ITIH3: variants seen among roughly 807,000 people sequenced by gnomAD.
The protein encoded by ITIH3 is inter-alpha-trypsin inhibitor heavy chain 3.
A neutral mutation model predicts 96.5 loss-of-function variants in ITIH3; 81 were observed. That is an observed-to-expected ratio of 0.84 (90% CI 0.70 to 1.01). ITIH3 has a LOEUF of 1.01. ITIH3 is among the 50% of genes least tolerant of loss of function. The pLI, the probability that ITIH3 is intolerant of heterozygous loss-of-function variation, is 0.00. For missense variants in ITIH3, 1,057 were observed against 1,139.3 expected (o/e 0.93, Z 1.04); for synonymous variants, 422 against 445.2 (o/e 0.95, Z 0.66).
chr3:52,800,604 G>C lies in ITIH3; in HGVS notation c.1142G>C (p.Arg381Thr). The C allele has an allele frequency of 6.3e-7, 1 of 1,579,608 alleles. No individual in the cohort carries two copies. Among genetic ancestry groups the C allele is most frequent in the Non-Finnish European group, 8.6e-7 (1 of 1,162,532 alleles). The change falls in exon 10 of 22, where the codon AGA (arginine) becomes ACA (threonine). Residue 381 changes from arginine (R) to threonine (T), a missense_variant. Transcript: ENST00000449956. The part of the protein sequence containing the change: ...SMLNKAREEH[R>T]IPERSTSIVI... ...CTGAACAAGGCCCGAGAGGAGCACA[G>C]AATCCCAGAGAGGAGCACCTCCATT...
rs1208994387 is a variant in ITIH3 at position 52,796,619 on chromosome 3, A to G, written c.253A>G (p.Lys85Glu). 1 of 1,613,084 alleles carries G rather than the reference A, an allele frequency of 6.2e-7. No homozygotes were observed. Among genetic ancestry groups the G allele is most frequent in the Admixed American group, 1.7e-5 (1 of 59,890 alleles). ...KEVSFDVELP[K>E]TAFITNFTLT... ...GGTTTCCTTTGATGTGGAGCTGCCC[A>G]AGACGGCCTTCATCACCAACTTCAC... is the stretch of plus-strand genomic sequence containing the variant. Residue 85 changes from lysine to glutamate, a missense_variant, in exon 3 of 22, where the codon AAG becomes GAG. Physicochemically the swap from Lys to Glu is moderately conservative, Grantham distance 56. Transcript: ENST00000449956.
At position 52,807,105 on chromosome 3, in the gene ITIH3, G is replaced by A. The variant is rs1367268721; in HGVS notation, c.2261G>A (p.Gly754Glu). 9 of 1,585,460 alleles carry A rather than the reference G, an allele frequency of 5.7e-6. No homozygotes were observed. The highest frequency in any genetic ancestry group is 6.9e-6 in the Non-Finnish European group (8 of 1,166,212). ...WLDTVTVTQD[G>E]LSMMINRKNM... ...GACACAGTCACAGTCACGCAGGATG[G>A]GTAAGCTCCCCTACAAGGTCTCCAA... Residue 754 changes from glycine to glutamate, a missense_variant and splice_region_variant, in exon 19 of 22, where the codon GGG becomes GAG. Transcript: ENST00000449956.
chr3:52,806,786 G>A, intron 18 of ITIH3, 115 bp from the exon 19 acceptor site: 1 of 805,252 alleles, frequency 1.2e-6, no homozygotes, highest in South Asian at 1.6e-5. Flanking sequence ...CTCTCTTGTG[G>A]CCCCCGCTCT....
At chr3:52,807,958 A>C in intron 20 of ITIH3, 42 bp downstream of exon 20, 1 of 1,599,150 alleles carries the variant, frequency 6.3e-7, no homozygotes, top group Non-Finnish European at 8.5e-7. Flanking sequence ...GCCTGAGAGC[A>C]GCATGGGAAA....
chr3:52,796,706 G>A (rs1438643773), intron 3 of ITIH3, 33 bp from the exon 4 acceptor site: 2 of 1,605,430 alleles, frequency 1.2e-6, no homozygotes, highest in African/African-American at 1.3e-5. Context: ...GGCCCAGTGT[G>A]ATCTCCCTAC....
At chr3:52,795,841 CCCCT>C (rs1199470013) in intron 2 of ITIH3, 3 of 546,288 alleles carry the variant, frequency 5.5e-6, no homozygotes, top group Non-Finnish European at 9.7e-6. Flanking sequence ...CCCAAGAGGG[CCCCT>C]CACAGGCATC....
intron 15 of ITIH3, chr3:52,805,584 C>A: frequency 7.3e-7 from 1 of 1,365,962 alleles, no homozygotes; most frequent in South Asian, 1.9e-5. Context: ...ATCAAAAAGC[C>A]CTGCGCCAAC....
rs1699785994 is a variant in ITIH3, at chr3:52,800,521, G to A, written c.1076-17G>A. The A allele has an allele frequency of 1.3e-6, 2 of 1,523,228 alleles. No individual in the cohort carries two copies. Among genetic ancestry groups the A allele is most frequent in the African/African-American group, 2.1e-5 (1 of 47,740 alleles). 94.4% of individuals were successfully genotyped at this position (1,523,228 alleles called of 1,614,324 possible). A position where few individuals can be genotyped will look rare whatever the true frequency, so the allele number is the denominator to read the frequency against. On this transcript the variant is annotated splice_polypyrimidine_tract_variant and intron_variant, in intron 9 of 21. Transcript: ENST00000449956. ...CCTGAGGACACCCTCCCACGGTGCT[G>A]TCTGTCTGTGTCCCAGTGACCAACA...
chr3:52,795,690 C>G, intron 2 of ITIH3, 67 bp downstream of exon 2: 1 of 1,496,312 alleles, frequency 6.7e-7, no homozygotes. Context: ...TCCCCAACTG[C>G]TGAAGGTGTA....
rs1700043694 is a variant in ITIH3 at position 52,806,284 on chromosome 3, T to G, written c.1943-9T>G. 1 of 1,612,422 alleles carries G rather than the reference T, an allele frequency of 6.2e-7. No individual in the cohort carries two copies. The highest frequency in any genetic ancestry group is 8.5e-7 in the Non-Finnish European group (1 of 1,178,756). ...CCGGGAGTCAGCTCCTTCTCTAATG[T>G]GTCACCAGTGGACGGGGATCCCCAC... On this transcript the variant is annotated splice_polypyrimidine_tract_variant and intron_variant, in intron 17 of 21. Coordinates refer to ENST00000449956, the MANE Select transcript of ITIH3 (RefSeq NM_002217.4).
chr3:52,795,329 G>A (rs911151695), intron 1 of ITIH3, among the ~76,000 whole-genome samples: 1 of 152,196 alleles, frequency 6.6e-6, no homozygotes, highest in Non-Finnish European at 1.5e-5. Context: ...GGCATGTAGG[G>A]TGTGAAGAGA....
intron 2 of ITIH3, 72 bp from the exon 3 acceptor site, chr3:52,796,409 G>A: frequency 2.9e-6 from 4 of 1,387,278 alleles, no homozygotes; most frequent in Non-Finnish European, 3.0e-6. Flanking sequence ...GGTTTGCAAG[G>A]GAGGTGGCTG....
In ITIH3 at chr3:52,807,753, C is replaced by T; in HGVS notation, c.2268C>T (p.Ser756=). 1 of 1,610,186 alleles carries T rather than the reference C, an allele frequency of 6.2e-7. No homozygotes were observed. Among genetic ancestry groups the T allele is most frequent in the Non-Finnish European group, 8.5e-7 (1 of 1,178,340 alleles). ...DTVTVTQDGL[S]MMINRKNMVV... is the part of the protein sequence containing the mutation. ...TTCTGGCTTCCTCTCGTAGGCTGTCCATGATGATCAACAGGAAGAACATGG... is the reference window on the plus strand; with the variant it reads ...TTCTGGCTTCCTCTCGTAGGCTGTCTATGATGATCAACAGGAAGAACATGG... Residue 756 remains serine (S), a synonymous_variant, in exon 20 of 22, where the codon TCC becomes TCT. Transcript: ENST00000449956.
At chr3:52,796,343 TAGA>T in intron 2 of ITIH3, 135 bp from the exon 3 acceptor site, 1 of 692,612 alleles carries the variant, frequency 1.4e-6, no homozygotes, top group Non-Finnish European at 2.5e-6. Context: ...TCTTCCAGTG[TAGA>T]AGACCTGGAG....
Position 52,800,107 on chromosome 3 carries a change from A to G in ITIH3, c.1075+186A>G, listed in dbSNP as rs182810155. 1.3e-4 allele frequency among the ~76,000 whole-genome samples: 20 copies of G among 152,284 alleles called. No homozygotes were observed. The East Asian group carries it at 2.1e-3, about 16-fold the overall frequency. On this transcript the variant is annotated intron_variant, in intron 9 of 21. Coordinates refer to ENST00000449956, the MANE Select transcript of ITIH3 (RefSeq NM_002217.4). ...ATATCGGCTGTCTTCTCCGTGGTCC[A>G]GGGAAACCCATTCTTTCTGTTTCTA...
chr3:52,806,428 C>T (rs571751986), intron 18 of ITIH3, 22 bp downstream of exon 18: 137 of 1,586,790 alleles, frequency 8.6e-5, no homozygotes, highest in African/African-American at 5.1e-4. Context: ...GGGCTAGGGC[C>T]GGGGCCAGGG....
chr3:52,802,853 C>G, intron 13 of ITIH3, 47 bp downstream of exon 13: 1 of 1,606,230 alleles, frequency 6.2e-7, no homozygotes, highest in Non-Finnish European at 8.5e-7. Flanking sequence ...TGGCTGGGCT[C>G]CAATGCAAGG....
At position 52,804,866 on chromosome 3, in the gene ITIH3, C is replaced by G. The variant is rs1699980510; in HGVS notation, c.1873+132C>G. On this transcript the variant is annotated intron_variant, in intron 15 of 21. Coordinates refer to ENST00000449956, the MANE Select transcript of ITIH3 (RefSeq NM_002217.4). ...TGGGACACCTGGGCTCAGGCCCAGC[C>G]CTATTGCCAAATCATGAACGTGCCC... The G allele has an allele frequency of 4.1e-6, 4 of 975,446 alleles. No homozygotes were observed. In the Admixed American group the frequency reaches 9.1e-5, roughly 22 times the overall value. 60.4% of individuals were successfully genotyped at this position (975,446 alleles called of 1,614,324 possible). A position where few individuals can be genotyped will look rare whatever the true frequency, so the allele number is the denominator to read the frequency against.
At chr3:52,804,606 G>A in intron 14 of ITIH3, 120 bp from the exon 15 acceptor site, 1 of 1,027,424 alleles carries the variant, frequency 9.7e-7, no homozygotes, top group South Asian at 1.5e-5. Flanking sequence ...GGGAAGAGCT[G>A]GCTGCTGGGA....
Sources: allele counts gnomAD v4.1 joint callset (sites outside exome capture counted in the v4.1 genomes callset), GRCh38; gene constraint gnomAD v4.1.1; transcripts MANE v1.5; gene names NCBI Gene and HGNC (gene_info 2026-07-23, HGNC 2026-07-21).